The following NCALD variants were observed in gnomAD, a reference collection of about 807,000 sequenced individuals.
NCALD encodes the protein neurocalcin delta, also known as neurocalcin-delta.
NCALD carries 10 observed loss-of-function variants against 18.6 expected under a neutral mutation model. That is an observed-to-expected ratio of 0.54 (90% confidence interval 0.33 to 0.91). NCALD has a LOEUF of 0.91. Among genes scored for constraint, NCALD ranks in the 40% least tolerant of loss-of-function variants. NCALD has a pLI of 0.03. For missense variants in NCALD, 184 were observed against 247.6 expected (o/e 0.74, Z 1.72); for synonymous variants, 88 against 87.4 (o/e 1.01, Z -0.04).
rs1370904436 is a variant in NCALD at position 101,693,317 on chromosome 8, C to CG, written c.379-422dup. ...TAGAGGTACTCCCCACCACACAGGG[C>CG]GTTTTTTTTTTTTTTTTTTTTTTTT... is the stretch of plus-strand genomic sequence containing the variant. On this transcript the variant is annotated intron_variant, in intron 2 of 3. Transcript: ENST00000220931. 3.9e-4 allele frequency: 17 copies of CG among 43,102 alleles called. 1 individual carries two copies. The highest frequency in any genetic ancestry group is 1.2e-3 in the African/African-American group (15 of 12,840). 2.7% of individuals were successfully genotyped at this position (43,102 alleles called of 1,614,324 possible). A position where few individuals can be genotyped will look rare whatever the true frequency, so the allele number is the denominator to read the frequency against.
At chr8:101,752,237 C>T (rs1437404439) in intron 1 of NCALD, among the ~76,000 whole-genome samples, 1 of 152,106 alleles carries the variant, frequency 6.6e-6, no homozygotes, top group Non-Finnish European at 1.5e-5. Flanking sequence ...GAAAGCATAA[C>T]TTACATCTGC....
At chr8:101,727,646 T>C (rs1398700407) in intron 1 of NCALD, among the ~76,000 whole-genome samples, 1 of 152,192 alleles carries the variant, frequency 6.6e-6, no homozygotes, top group East Asian at 1.9e-4. Context: ...ATGCCCAGCA[T>C]AAAAGTATCT....
intron 1 of NCALD, among the ~76,000 whole-genome samples, chr8:102,068,650 T>G (rs534145633): frequency 1.3e-5 from 2 of 152,354 alleles, no homozygotes; most frequent in South Asian, 4.1e-4. Context: ...CTCTTACTTC[T>G]GAAATAATCT....
chr8:101,793,973 C>T (rs1408600581), upstream of NCALD, among the ~76,000 whole-genome samples: 1 of 152,112 alleles, frequency 6.6e-6, no homozygotes, highest in African/African-American at 2.4e-5. Context: ...TTGCTGTCTC[C>T]TCTGTCTTAA....
At chr8:102,034,789 C>G (rs1459001470) in intron 1 of NCALD, among the ~76,000 whole-genome samples, 1 of 152,148 alleles carries the variant, frequency 6.6e-6, no homozygotes, top group African/African-American at 2.4e-5. Context: ...CGTGACACAA[C>G]TGAAAGCAGG....
At chr8:102,068,971 TAAA>T (rs1395050870) in intron 1 of NCALD, among the ~76,000 whole-genome samples, 7 of 152,130 alleles carry the variant, frequency 4.6e-5, no homozygotes, top group Admixed American at 4.6e-4. Context: ...ATGTGGAATC[TAAA>T]AAAGTTAAAT....
intron 4 of NCALD, among the ~76,000 whole-genome samples, chr8:101,822,510 G>A (rs866389512): frequency 1.3e-5 from 2 of 152,200 alleles, no homozygotes; most frequent in Middle Eastern, 6.8e-3. Flanking sequence ...CCAAGCAGTG[G>A]GAGACATCGG....
chr8:101,781,153 A>G (rs1282697947), intron 1 of NCALD, among the ~76,000 whole-genome samples: 1 of 148,314 alleles, frequency 6.7e-6, no homozygotes, highest in Non-Finnish European at 1.5e-5. Flanking sequence ...AATAGCTTCT[A>G]TTTTGTGAAA....
intron 4 of NCALD, among the ~76,000 whole-genome samples, chr8:101,843,160 C>A (rs1313283270): frequency 6.6e-6 from 1 of 152,100 alleles, no homozygotes; most frequent in African/African-American, 2.4e-5. Flanking sequence ...AACCATATAT[C>A]CCTAGCATGT....
At chr8:101,884,452 A>G (rs1816603129) in intron 4 of NCALD, among the ~76,000 whole-genome samples, 1 of 152,214 alleles carries the variant, frequency 6.6e-6, no homozygotes, top group African/African-American at 2.4e-5. Flanking sequence ...TATTGAACAA[A>G]TAAATGAATT....
chr8:101,984,581 C>T (rs1408384807), intron 2 of NCALD, among the ~76,000 whole-genome samples: 1 of 152,174 alleles, frequency 6.6e-6, no homozygotes, highest in African/African-American at 2.4e-5. Flanking sequence ...ACGTTCTTTC[C>T]ATCAGCAGAG....
intron 1 of NCALD, among the ~76,000 whole-genome samples, chr8:101,744,041 T>C (rs1320703842): frequency 6.6e-6 from 1 of 152,174 alleles, no homozygotes; most frequent in Non-Finnish European, 1.5e-5. Flanking sequence ...CCAAGGAGAA[T>C]GCAATTTGTT....
intron 1 of NCALD, among the ~76,000 whole-genome samples, chr8:102,081,046 C>G (rs1020144368): frequency 6.6e-6 from 1 of 152,148 alleles, no homozygotes; most frequent in Non-Finnish European, 1.5e-5. Flanking sequence ...GATTCATGGA[C>G]CCCTCTTTTT....
chr8:101,725,400 C>A (rs1261873818), intron 1 of NCALD, among the ~76,000 whole-genome samples: 1 of 152,210 alleles, frequency 6.6e-6, no homozygotes, highest in African/African-American at 2.4e-5. Flanking sequence ...GCACCATCCC[C>A]TTTCCAGCTT....
At chr8:102,007,396 A>G (rs1175084601) in intron 2 of NCALD, among the ~76,000 whole-genome samples, 1 of 152,232 alleles carries the variant, frequency 6.6e-6, no homozygotes, top group Non-Finnish European at 1.5e-5. Context: ...AAAGAAGCAG[A>G]TTCTCAGGTG....
In NCALD at chr8:101,817,538, A is replaced by T. The variant is rs896346575; in HGVS notation, c.-20+69603T>A. On this transcript the variant is annotated intron_variant, in intron 4 of 6. Transcript: ENST00000311028. Reference sequence around the variant, plus strand: ...AATGCAGGTGCCCAGAATAAAATGTAGTTATGTTGGTTTTTGCTTCTTTAG... The same window carrying T: ...AATGCAGGTGCCCAGAATAAAATGTTGTTATGTTGGTTTTTGCTTCTTTAG... Among the ~76,000 whole-genome samples, 4 of 151,238 alleles carry T rather than the reference A, an allele frequency of 2.6e-5. No homozygotes were observed. In the East Asian group the frequency reaches 7.8e-4, roughly 29 times the overall value.
At position 102,042,394 on chromosome 8, in the gene NCALD, G is replaced by A. The variant is rs137931699; in HGVS notation, c.-209-22105C>T. 1.3e-3 allele frequency among the ~76,000 whole-genome samples: 205 copies of A among 152,004 alleles called. 5 individuals carry two copies. Among genetic ancestry groups the A allele is most frequent in the African/African-American group, 4.6e-3 (188 of 41,308 alleles). Reference sequence around the variant, plus strand: ...CAAGCCAGGTGAAGGGGAATTCAGCGGGACCACTCAGAGAGCTTCACATGG... The same window carrying A: ...CAAGCCAGGTGAAGGGGAATTCAGCAGGACCACTCAGAGAGCTTCACATGG... On this transcript the variant is annotated intron_variant, in intron 1 of 6. Transcript: ENST00000311028.
At chr8:101,706,920 C>T (rs1815554490) in intron 2 of NCALD, among the ~76,000 whole-genome samples, 1 of 152,196 alleles carries the variant, frequency 6.6e-6, no homozygotes, top group South Asian at 2.1e-4. Flanking sequence ...CCCAAAACAT[C>T]CAATAAGCAA....
chr8:102,039,087 A>T (rs1246865728), intron 1 of NCALD, among the ~76,000 whole-genome samples: 1 of 152,124 alleles, frequency 6.6e-6, no homozygotes, highest in East Asian at 1.9e-4. Flanking sequence ...TTCTACCAAC[A>T]ACCAGTAAGT....
Sources: allele counts gnomAD v4.1 joint callset (sites outside exome capture counted in the v4.1 genomes callset), GRCh38; gene constraint gnomAD v4.1.1; transcripts MANE v1.5; gene names NCBI Gene and HGNC (gene_info 2026-07-23, HGNC 2026-07-21).